FERRY3: variants seen among roughly 807,000 people sequenced by gnomAD.
The protein encoded by FERRY3 is protein C12orf4.
At chr12:4,505,359 C>T in the FERRY3 span, 3 of 1,605,614 alleles carry the variant, frequency 1.9e-6, no homozygotes, top group Non-Finnish European at 2.6e-6. Context: ...ATCATCATTT[C>T]CTCCATTTTG....
the FERRY3 span, chr12:4,534,451 T>C: frequency 1.2e-6 from 1 of 845,344 alleles, no homozygotes; most frequent in Non-Finnish European, 1.7e-6. Flanking sequence ...TTACACAGGC[T>C]GGAGTGCAGT....
At chr12:4,505,262 T>C in the FERRY3 span, 1 of 1,248,388 alleles carries the variant, frequency 8.0e-7, no homozygotes, top group Non-Finnish European at 1.2e-6. Flanking sequence ...AAAACATCTT[T>C]TGGTATAAGA....
At chr12:4,533,207 T>G in the FERRY3 span, among the ~76,000 whole-genome samples, 1 of 152,234 alleles carries the variant, frequency 6.6e-6, no homozygotes, top group Non-Finnish European at 1.5e-5. Flanking sequence ...GAGAAGCATC[T>G]GTCTTCCCAG....
At chr12:4,527,785 G>C in the FERRY3 span, among the ~76,000 whole-genome samples, 1 of 151,726 alleles carries the variant, frequency 6.6e-6, no homozygotes, top group African/African-American at 2.4e-5. Flanking sequence ...AAAACTAGAT[G>C]AATTCAAGTA....
chr12:4,525,153 A>T, the FERRY3 span: 1 of 1,401,130 alleles, frequency 7.1e-7, no homozygotes, highest in Non-Finnish European at 9.7e-7. Flanking sequence ...TTTCACTAGC[A>T]AATTAAAAAG....
At chr12:4,496,263 A>T in the FERRY3 span, among the ~76,000 whole-genome samples, 1 of 152,208 alleles carries the variant, frequency 6.6e-6, no homozygotes, top group African/African-American at 2.4e-5. Context: ...TTTAGAATTC[A>T]ATAAGGTCAT....
the FERRY3 span, among the ~76,000 whole-genome samples, chr12:4,491,445 G>A: frequency 1.8e-4 from 28 of 152,058 alleles, no homozygotes; most frequent in South Asian, 2.9e-3. Flanking sequence ...AATTTAGTTA[G>A]CCCCCTAAAT....
chr12:4,503,144 T>A, the FERRY3 span, among the ~76,000 whole-genome samples: 15 of 152,206 alleles, frequency 9.9e-5, no homozygotes, highest in African/African-American at 3.4e-4. Context: ...GTGCTCCTAA[T>A]CCCCAAATTG....
chr12:4,502,755 C>A, the FERRY3 span, among the ~76,000 whole-genome samples: 1 of 152,252 alleles, frequency 6.6e-6, no homozygotes, highest in South Asian at 2.1e-4. This position sits in a 1 kb window ranked among gnomAD's most constrained non-coding sequence, Gnocchi z 4.2. Flanking sequence ...TCAGCTGTAT[C>A]CACAGATGCC....
chr12:4,530,602 T>C, the FERRY3 span, among the ~76,000 whole-genome samples: 1 of 152,350 alleles, frequency 6.6e-6, no homozygotes, highest in Non-Finnish European at 1.5e-5. Flanking sequence ...AATTCATGCA[T>C]ACCTATATCA....
the FERRY3 span, among the ~76,000 whole-genome samples, chr12:4,510,861 C>T: frequency 8.6e-5 from 13 of 151,786 alleles, no homozygotes; most frequent in East Asian, 1.9e-3. Context: ...CACCAGCTAA[C>T]ATCATAATGA....
At chr12:4,535,018 A>T in the FERRY3 span, among the ~76,000 whole-genome samples, 1 of 152,352 alleles carries the variant, frequency 6.6e-6, no homozygotes, top group Non-Finnish European at 1.5e-5. The surrounding 1 kb of genome is among the most constrained non-coding windows in gnomAD (Gnocchi z 4.0). Context: ...TAAAGGGTAC[A>T]TTGTTACATC....
At chr12:4,521,733 A>G in the FERRY3 span, among the ~76,000 whole-genome samples, 4 of 152,202 alleles carry the variant, frequency 2.6e-5, no homozygotes, top group East Asian at 7.7e-4. Flanking sequence ...ACCAACATAC[A>G]TGCATAAATA....
At chr12:4,500,912 A>G in the FERRY3 span, among the ~76,000 whole-genome samples, 1 of 152,216 alleles carries the variant, frequency 6.6e-6, no homozygotes, top group Non-Finnish European at 1.5e-5. Context: ...TGGCCTCCCA[A>G]AGTGCTGGGA....
At chr12:4,501,882 G>A in the FERRY3 span, among the ~76,000 whole-genome samples, 2 of 152,156 alleles carry the variant, frequency 1.3e-5, no homozygotes, top group Non-Finnish European at 2.9e-5. Flanking sequence ...TGCCAAAAAC[G>A]TTGGGGACCA....
chr12:4,514,885 TAATAA>T, the FERRY3 span, among the ~76,000 whole-genome samples: 37 of 151,898 alleles, frequency 2.4e-4, no homozygotes, highest in East Asian at 9.6e-4. Context: ...ACTTAAAGTA[TAATAA>T]AATAAAATAA....
the FERRY3 span, among the ~76,000 whole-genome samples, chr12:4,526,773 C>T: frequency 6.6e-6 from 1 of 151,126 alleles, no homozygotes; most frequent in Non-Finnish European, 1.5e-5. Flanking sequence ...ACCCAGGAGA[C>T]TGAGGTTGCA....
chr12:4,508,530 A>T, the FERRY3 span, among the ~76,000 whole-genome samples: 1 of 152,186 alleles, frequency 6.6e-6, no homozygotes, highest in East Asian at 1.9e-4. Context: ...AGATCACATG[A>T]GGCCAGGAGT....
At chr12:4,528,141 G>A in the FERRY3 span, among the ~76,000 whole-genome samples, 9 of 152,036 alleles carry the variant, frequency 5.9e-5, no homozygotes, top group Non-Finnish European at 1.0e-4. Flanking sequence ...GAAGTATAGG[G>A]AGCCAAAATG....
Sources: gnomAD v4.1 joint callset for allele counts (sites outside exome capture counted in the v4.1 genomes callset) on GRCh38, gnomAD v4.1.1 for gene constraint, Gnocchi (gnomAD v3.1) non-coding constraint, MANE v1.5 for transcripts, NCBI Gene and HGNC (gene_info 2026-07-23, HGNC 2026-07-21) for gene names.